The following EYS variants were observed in gnomAD, a reference collection of about 807,000 sequenced individuals.
EYS encodes the protein EGF-like photoreceptor maintenance factor.
A neutral mutation model predicts 282.1 loss-of-function variants in EYS; 250 were observed. The ratio of observed to expected loss-of-function variants is 0.89; its 90% CI spans 0.80 to 0.98. The LOEUF (loss-of-function observed/expected upper bound fraction) is 0.98, where lower values mean the gene tolerates loss of function less well. Ranked by LOEUF, EYS falls within the 50% of genes least tolerant of loss-of-function variation. The pLI is 0.00. For synonymous variants in EYS, 1,355 were observed against 1,282.9 expected, an observed-to-expected ratio of 1.06 and a Z score of -1.20; for missense variants, 4,016 against 3,709.0, an observed-to-expected ratio of 1.08 and a Z score of -2.15.
chr6:63,851,825 C>G (rs1189706435), intron 36 of EYS, among the ~76,000 whole-genome samples: 2 of 151,908 alleles, frequency 1.3e-5, no homozygotes, highest in Non-Finnish European at 2.9e-5. Context: ...AAGATCAGAG[C>G]AGAACTGAAG....
intron 22 of EYS, among the ~76,000 whole-genome samples, chr6:64,695,811 C>T (rs1332191394): frequency 6.6e-6 from 1 of 151,960 alleles, no homozygotes; most frequent in African/African-American, 2.4e-5. Context: ...TCTTGAACTC[C>T]TGACCTCATA....
chr6:65,266,806 A>G (rs767213171), intron 12 of EYS, among the ~76,000 whole-genome samples: 12 of 151,370 alleles, frequency 7.9e-5, no homozygotes, highest in Non-Finnish European at 1.6e-4. Flanking sequence ...AAGCTACTCT[A>G]CAATATCTGT....
At chr6:64,235,374 A>T (rs202093688) in intron 30 of EYS, among the ~76,000 whole-genome samples, 77 of 148,618 alleles carry the variant, frequency 5.2e-4, no homozygotes, top group Admixed American at 6.7e-4. Context: ...TTTACTGAGA[A>T]TGATGATTTC....
At chr6:64,980,947 T>C (rs1414166761) in intron 14 of EYS, among the ~76,000 whole-genome samples, 2 of 151,438 alleles carry the variant, frequency 1.3e-5, no homozygotes, top group Non-Finnish European at 3.0e-5. Context: ...TTCAGGAAGG[T>C]ACTGCTCTCA....
intron 12 of EYS, among the ~76,000 whole-genome samples, chr6:65,061,432 G>T (rs545281236): frequency 6.6e-6 from 1 of 151,702 alleles, no homozygotes; most frequent in African/African-American, 2.4e-5. Flanking sequence ...TAAGCAGAGG[G>T]TACAAAGATT....
At chr6:63,732,393 C>T (rs901834695) in intron 41 of EYS, among the ~76,000 whole-genome samples, 1 of 152,062 alleles carries the variant, frequency 6.6e-6, no homozygotes, top group African/African-American at 2.4e-5. Context: ...AATAATAATA[C>T]ACATTCAAAA....
Position 65,344,030 on chromosome 6 carries a change from T to C in EYS, c.1599+8A>G. The C allele has an allele frequency of 6.2e-7, 1 of 1,608,350 alleles. No homozygotes were observed. Among genetic ancestry groups the C allele is most frequent in the Non-Finnish European group, 8.5e-7 (1 of 1,176,248 alleles). ...AAAATGAAAAGCAACTACATAAAAT[T>C]ACCTTACCTCTTTTGTGCCTTCATG... is the stretch of plus-strand genomic sequence containing the variant. On this transcript the variant is annotated splice_region_variant and intron_variant, in intron 10 of 42. Coordinates refer to ENST00000503581, the MANE Select transcript of EYS (RefSeq NM_001142800.2).
intron 2 of EYS, among the ~76,000 whole-genome samples, chr6:65,516,786 A>G (rs184917370): frequency 6.6e-6 from 1 of 152,206 alleles, no homozygotes; most frequent in East Asian, 1.9e-4. Context: ...TCTAAAAATT[A>G]TCCTCAAAAA....
chr6:63,865,622 A>C (rs774350434), intron 35 of EYS, among the ~76,000 whole-genome samples: 5 of 152,148 alleles, frequency 3.3e-5, no homozygotes, highest in African/African-American at 1.2e-4. Context: ...TTATGTTTTT[A>C]TGACACAGCC....
At chr6:64,383,150 A>G (rs1772803593) in intron 29 of EYS, among the ~76,000 whole-genome samples, 1 of 152,116 alleles carries the variant, frequency 6.6e-6, no homozygotes, top group African/African-American at 2.4e-5. Flanking sequence ...AATTAAATTT[A>G]AATAGCAGGG....
chr6:64,653,330 C>T (rs1768629955), intron 22 of EYS, among the ~76,000 whole-genome samples: 1 of 152,090 alleles, frequency 6.6e-6, no homozygotes, highest in Non-Finnish European at 1.5e-5. Flanking sequence ...GTTTAAACCA[C>T]CCAGTTTGTG....
At chr6:64,945,504 T>A (rs150457908) in intron 15 of EYS, among the ~76,000 whole-genome samples, 1 of 152,070 alleles carries the variant, frequency 6.6e-6, no homozygotes, top group East Asian at 1.9e-4. Context: ...TCCAAAACAA[T>A]GTTAAGATGG....
chr6:65,311,033 T>C (rs1299372229), intron 11 of EYS, among the ~76,000 whole-genome samples: 9 of 152,072 alleles, frequency 5.9e-5, no homozygotes, highest in Admixed American at 3.3e-4. Context: ...AATGAATACG[T>C]AATTTTTAAT....
intron 35 of EYS, among the ~76,000 whole-genome samples, chr6:63,910,016 A>G (rs1264117750): frequency 6.6e-6 from 1 of 152,204 alleles, no homozygotes; most frequent in Non-Finnish European, 1.5e-5. Context: ...TGAGCCAAGG[A>G]TGGAACCCCA....
rs530365342 is a variant in EYS, at chr6:64,530,170, T to C, written c.5644+60053A>G. Among the ~76,000 whole-genome samples, 5 of 152,248 alleles carry C rather than the reference T, an allele frequency of 3.3e-5. No individual in the cohort carries two copies. In the South Asian group the frequency reaches 1.0e-3, roughly 32 times the overall value. On this transcript the variant is annotated intron_variant, in intron 26 of 42. Coordinates refer to ENST00000503581, the MANE Select transcript of EYS (RefSeq NM_001142800.2). ...AAGTGGCTGCTTCAGTATAATTATC[T>C]AACACTGATAAGTAAAATAAGTAAA...
chr6:63,764,552 A>G (rs186713947), intron 40 of EYS, among the ~76,000 whole-genome samples: 348 of 152,128 alleles, frequency 2.3e-3, no homozygotes, highest in Non-Finnish European at 2.4e-3. Flanking sequence ...TTTTATATCT[A>G]CTTGAAAAAA....
At chr6:64,742,764 A>G (rs1367132357) in intron 22 of EYS, among the ~76,000 whole-genome samples, 2 of 152,130 alleles carry the variant, frequency 1.3e-5, no homozygotes, top group Admixed American at 6.5e-5. Flanking sequence ...TTTTAACAAC[A>G]AGAAAGAAAT....
At chr6:64,293,821 G>C (rs536808839) in intron 30 of EYS, among the ~76,000 whole-genome samples, 77 of 152,068 alleles carry the variant, frequency 5.1e-4, no homozygotes, top group African/African-American at 1.8e-3. Context: ...TTTCTAATAA[G>C]GCTATTCAGA....
At chr6:64,848,027 T>C (rs2150039582) in intron 19 of EYS, among the ~76,000 whole-genome samples, 1 of 152,192 alleles carries the variant, frequency 6.6e-6, no homozygotes, top group South Asian at 2.1e-4. Context: ...ATAGATAGTT[T>C]ATTTGTCTAT....
Sources: gnomAD v4.1 joint callset for allele counts (sites outside exome capture counted in the v4.1 genomes callset) on GRCh38, gnomAD v4.1.1 for gene constraint, MANE v1.5 for transcripts, NCBI Gene and HGNC (gene_info 2026-07-23, HGNC 2026-07-21) for gene names.